The following MERTK variants were observed in gnomAD, a reference collection of about 807,000 sequenced individuals.
The protein encoded by MERTK is tyrosine-protein kinase Mer.
MERTK carries 69 observed loss-of-function variants against 99.3 expected under a neutral mutation model. The ratio of observed to expected loss-of-function variants is 0.70; its 90% CI spans 0.57 to 0.85. The LOEUF (loss-of-function observed/expected upper bound fraction) is 0.85. Ranked by LOEUF, MERTK falls within the 40% of genes least tolerant of loss-of-function variation. The pLI, the probability that MERTK is intolerant of heterozygous loss-of-function variation, is 0.00. For missense variants in MERTK, 1,125 were observed against 1,249.4 expected, an observed-to-expected ratio of 0.90 and a Z score of 1.50; for synonymous variants, 426 against 467.6, an observed-to-expected ratio of 0.91 and a Z score of 1.15.
chr2:111,965,170 A>G (rs1349253513), intron 4 of MERTK, 21 bp from the exon 5 acceptor site: 1 of 1,610,084 alleles, frequency 6.2e-7, no homozygotes, highest in African/African-American at 1.3e-5. Flanking sequence ...TGCTGGTCTC[A>G]TGAGTCTCCT....
intron 15 of MERTK, among the ~76,000 whole-genome samples, chr2:112,011,238 G>A (rs938896131): frequency 1.3e-5 from 2 of 152,156 alleles, no homozygotes; most frequent in African/African-American, 2.4e-5. Context: ...GGATGAAAGT[G>A]CAAGGAAATT....
At chr2:111,922,653 T>C (rs1684486786) in intron 1 of MERTK, among the ~76,000 whole-genome samples, 1 of 152,230 alleles carries the variant, frequency 6.6e-6, no homozygotes, top group African/African-American at 2.4e-5. Context: ...GCTGGTGGAC[T>C]CGATGCCTAT....
chr2:111,971,698 T>G (rs576135690), intron 6 of MERTK, among the ~76,000 whole-genome samples: 11 of 152,356 alleles, frequency 7.2e-5, no homozygotes, highest in African/African-American at 2.6e-4. Context: ...CCTTTTAAAT[T>G]TATTAAGGCT....
intron 2 of MERTK, among the ~76,000 whole-genome samples, chr2:111,937,923 ATAT>A (rs1452760129): frequency 6.6e-6 from 1 of 152,078 alleles, no homozygotes. Context: ...ATGGTAAAAC[ATAT>A]ATATAACATA....
Position 111,996,425 on chromosome 2 carries a change from G to A in MERTK, c.1451-898G>A, listed in dbSNP as rs552835547. 2.0e-4 allele frequency: 31 copies of A among 153,988 alleles called. No individual in the cohort carries two copies. The South Asian group carries it at 2.0e-3, about 10-fold the overall frequency. The allele number at this position is 153,988 out of a possible 1,614,324, so 9.5% of individuals were successfully genotyped here. A position where few individuals can be genotyped will look rare whatever the true frequency, so the allele number is the denominator to read the frequency against. Reference sequence around the variant, plus strand: ...GTCATTCTTTTTGTGCCCACCTTGCGGAGACATGTGGCTGTGTTGCCTCCT... The same window carrying A: ...GTCATTCTTTTTGTGCCCACCTTGCAGAGACATGTGGCTGTGTTGCCTCCT... On this transcript the variant is annotated intron_variant, in intron 9 of 18. Coordinates refer to ENST00000295408, the MANE Select transcript of MERTK (RefSeq NM_006343.3).
At chr2:112,017,828 T>C (rs1023534463) in intron 15 of MERTK, among the ~76,000 whole-genome samples, 1 of 151,706 alleles carries the variant, frequency 6.6e-6, no homozygotes, top group African/African-American at 2.4e-5. Context: ...GGAGGAGGGG[T>C]GATAAAACAG....
chr2:111,985,703 C>T (rs1439519858), intron 8 of MERTK, among the ~76,000 whole-genome samples: 3 of 152,176 alleles, frequency 2.0e-5, no homozygotes, highest in Admixed American at 1.3e-4. Context: ...GGGGAACTCC[C>T]CTTTATAAAA....
chr2:111,980,544 G>T (rs1473004122), intron 7 of MERTK, among the ~76,000 whole-genome samples: 1 of 148,890 alleles, frequency 6.7e-6, no homozygotes, highest in Admixed American at 6.9e-5. Flanking sequence ...TCAGCCTCCT[G>T]AGTAGCTGGG....
intron 2 of MERTK, among the ~76,000 whole-genome samples, chr2:111,939,533 G>C (rs768372631): frequency 2.6e-5 from 4 of 151,872 alleles, no homozygotes; most frequent in Non-Finnish European, 5.9e-5. Flanking sequence ...CCAGGCTGCA[G>C]TGCAGTGTGC....
intron 15 of MERTK, among the ~76,000 whole-genome samples, chr2:112,017,120 C>A (rs1006154311): frequency 6.6e-6 from 1 of 152,154 alleles, no homozygotes; most frequent in African/African-American, 2.4e-5. Flanking sequence ...TTATTTGTCC[C>A]CACCCACATC....
At chr2:112,008,743 C>T (rs1301400028) in intron 14 of MERTK, 2 of 529,126 alleles carry the variant, frequency 3.8e-6, no homozygotes, top group African/African-American at 3.8e-5. Context: ...ATTAAATTGT[C>T]CTCAGTTACT....
In MERTK at chr2:111,929,463, G is replaced by A; in HGVS notation, c.405G>A (p.Lys135=). The change falls in exon 2 of 19, where the codon AAG becomes AAA. Residue 135 remains lysine, a synonymous_variant. Coordinates refer to ENST00000295408, the MANE Select transcript of MERTK (RefSeq NM_006343.3). ...CAATTTCTTGGTGGAAAGATGGGAAGGAATTGCTTGGGGCACATCATGCAA... is the reference window on the plus strand; with the variant it reads ...CAATTTCTTGGTGGAAAGATGGGAAAGAATTGCTTGGGGCACATCATGCAA... The part of the protein sequence containing the change: ...DTTISWWKDG[K]ELLGAHHAIT... 7 of 1,614,004 alleles carry A rather than the reference G, an allele frequency of 4.3e-6. No homozygotes were observed. The highest frequency in any genetic ancestry group is 5.9e-6 in the Non-Finnish European group (7 of 1,179,968).
At chr2:111,968,994 C>T (rs1050574441) in intron 6 of MERTK, among the ~76,000 whole-genome samples, 2 of 152,296 alleles carry the variant, frequency 1.3e-5, no homozygotes, top group African/African-American at 2.4e-5. Flanking sequence ...AGCACCTTAC[C>T]CAGTGTCACC....
intron 1 of MERTK, among the ~76,000 whole-genome samples, chr2:111,911,398 CT>C (rs959139166): frequency 2.0e-5 from 3 of 151,102 alleles, no homozygotes; most frequent in Non-Finnish European, 4.4e-5. Flanking sequence ...TGTTTTCTTT[CT>C]TTTTTTTGAG....
At chr2:112,015,421 G>A (rs13396030) in intron 15 of MERTK, among the ~76,000 whole-genome samples, 6,398 of 152,154 alleles carry the variant, frequency 0.042, 125 homozygotes, top group African/African-American at 0.056. Flanking sequence ...TGCATTTCCC[G>A]AATGACTAAT....
intron 2 of MERTK, among the ~76,000 whole-genome samples, chr2:111,933,403 A>G (rs966911017): frequency 2.0e-5 from 3 of 152,220 alleles, no homozygotes; most frequent in Non-Finnish European, 4.4e-5. Flanking sequence ...TGGAGTTGCC[A>G]TTAGCGACAT....
At position 112,008,447 on chromosome 2, in the gene MERTK, C is replaced by T. The variant is rs2104411699; in HGVS notation, c.1932C>T (p.Phe644=). ...FLSEAACMKD[F]SHPNVIRLLG... ...GTGAGGCAGCGTGCATGAAAGACTT[C>T]AGCCACCCAAATGTCATTCGACTTC... The change falls in exon 14 of 19, where the codon TTC becomes TTT. Residue 644 remains phenylalanine (F), a synonymous_variant. Coordinates refer to ENST00000295408, the MANE Select transcript of MERTK (RefSeq NM_006343.3). 1 of 1,614,134 alleles carries T rather than the reference C, an allele frequency of 6.2e-7. No individual in the cohort carries two copies. The highest frequency in any genetic ancestry group is 8.5e-7 in the Non-Finnish European group (1 of 1,179,974).
chr2:112,003,789 C>T lies in MERTK; in HGVS notation c.1787-115C>T. 3 of 937,758 alleles carry T rather than the reference C, an allele frequency of 3.2e-6. 1 individual carries two copies. The South Asian group carries it at 4.0e-5, about 12-fold the overall frequency. 58.1% of individuals were successfully genotyped at this position (937,758 alleles called of 1,614,324 possible). A position where few individuals can be genotyped will look rare whatever the true frequency, so the allele number is the denominator to read the frequency against. ...GGCCTGGGCAGGCTCTGCCTGGCTG[C>T]CCGTGGGTGAGTTGCTCTCATACCA... On this transcript the variant is annotated intron_variant, in intron 12 of 18. Coordinates refer to ENST00000295408, the MANE Select transcript of MERTK (RefSeq NM_006343.3).
At chr2:112,027,600 T>C (rs998914959) in intron 18 of MERTK, among the ~76,000 whole-genome samples, 1 of 152,064 alleles carries the variant, frequency 6.6e-6, no homozygotes, top group Non-Finnish European at 1.5e-5. Context: ...TGAGGAGCAC[T>C]TGGACGCAGG....
Sources: gnomAD v4.1 joint callset for allele counts (sites outside exome capture counted in the v4.1 genomes callset) on GRCh38, gnomAD v4.1.1 for gene constraint, MANE v1.5 for transcripts, NCBI Gene and HGNC (gene_info 2026-07-23, HGNC 2026-07-21) for gene names.